The following NOTCH1 variants were observed in gnomAD, a reference collection of about 807,000 sequenced individuals.
NOTCH1 encodes the protein neurogenic locus notch homolog protein 1.
A neutral mutation model predicts 254.8 loss-of-function variants in NOTCH1; 37 were observed. That is an observed-to-expected ratio of 0.15 (90% CI 0.11 to 0.19). The LOEUF (loss-of-function observed/expected upper bound fraction) is 0.19, where lower values mean the gene tolerates loss of function less well. NOTCH1 is among the 10% of genes least tolerant of loss of function. The pLI is 1.00. For missense variants in NOTCH1, 2,972 were observed against 3,708.6 expected (o/e 0.80, Z 5.16); for synonymous variants, 1,731 against 1,618.1 (o/e 1.07, Z -1.68).
intron 24 of NOTCH1, 60 bp from the exon 25 acceptor site, chr9:136,505,941 C>G: frequency 6.8e-7 from 1 of 1,464,512 alleles, no homozygotes; most frequent in South Asian, 1.2e-5. Flanking sequence ...CCCCCGCCAC[C>G]TCACACCCAG....
chr9:136,514,333 G>A (rs1199461994), intron 13 of NOTCH1, among the ~76,000 whole-genome samples, 177 bp downstream of exon 13: 1 of 152,210 alleles, frequency 6.6e-6, no homozygotes, highest in African/African-American at 2.4e-5. Flanking sequence ...GGTGTGGACT[G>A]TAGTCTGACT....
At chr9:136,538,795 C>A (rs1462122330) in intron 2 of NOTCH1, among the ~76,000 whole-genome samples, 1 of 152,214 alleles carries the variant, frequency 6.6e-6, no homozygotes, top group Admixed American at 6.5e-5. Flanking sequence ...AGGGCTTTTA[C>A]GAGGCTGGGT....
chr9:136,517,836 C>T lies in NOTCH1; in HGVS notation c.1357G>A (p.Val453Ile), dbSNP rs761629787. 49 of 1,612,612 alleles carry T rather than the reference C, an allele frequency of 3.0e-5. No homozygotes were observed. The highest frequency in any genetic ancestry group is 8.9e-5 in the East Asian group (4 of 44,894). Residue 453 changes from valine to isoleucine, a missense_variant, in exon 8 of 34, where the codon GTC becomes ATC. Val to Ile is a conservative substitution (Grantham distance 29, BLOSUM62 3). Around this residue, in one of 8 missense-constraint regions of NOTCH1, gnomAD observed 90 missense variants for 183.6 expected, o/e 0.49. Coordinates refer to ENST00000651671, the MANE Select transcript of NOTCH1 (RefSeq NM_017617.5). ...CACGGGTTCGAGACGCACTCGTTGA[C>T]GTCGATCTCGCATCGGGGGCCCGTG... ...GYTGPRCEID[V>I]NECVSNPCQN...
intron 5 of NOTCH1, 148 bp downstream of exon 5, chr9:136,519,295 C>T: frequency 8.6e-7 from 1 of 1,157,822 alleles, no homozygotes; most frequent in Non-Finnish European, 1.2e-6. Flanking sequence ...AGTGGGGCCC[C>T]CATCATGTTG....
rs2133331516 is a variant in NOTCH1 at position 136,502,412 on chromosome 9, G to A, written c.5244C>T (p.Phe1748=). The part of the protein sequence containing the change: ...YVAAAAFVLL[F]FVGCGVLLSR... The stretch of plus-strand genomic sequence containing the variant: ...ACAGCAGCACCCCGCAGCCCACGAA[G>A]AACAGAAGCACAAAGGCGGCCGCCG... The change falls in exon 28 of 34, where the codon TTC becomes TTT. Residue 1748 remains phenylalanine, a synonymous_variant. Transcript: ENST00000651671. The A allele has an allele frequency of 6.2e-7, 1 of 1,611,480 alleles. No homozygotes were observed. Among genetic ancestry groups the A allele is most frequent in the Non-Finnish European group, 8.5e-7 (1 of 1,179,504 alleles).
In NOTCH1 at chr9:136,508,143, C is replaced by T. The variant is rs773638417; in HGVS notation, c.3326-4G>A. 1.5e-5 allele frequency: 24 copies of T among 1,607,794 alleles called. No homozygotes were observed. Among genetic ancestry groups the T allele is most frequent in the African/African-American group, 1.3e-4 (10 of 74,878 alleles). On this transcript the variant is annotated splice_region_variant and splice_polypyrimidine_tract_variant and intron_variant, in intron 20 of 33. Coordinates refer to ENST00000651671, the MANE Select transcript of NOTCH1 (RefSeq NM_017617.5). ...CACAGGCGGGCAACGTCAACACCTGCGGGGGATGGGGTGGTAGACAGGTGA... is the reference window on the plus strand; with the variant it reads ...CACAGGCGGGCAACGTCAACACCTGTGGGGGATGGGGTGGTAGACAGGTGA...
chr9:136,497,172 G>A lies in NOTCH1; in HGVS notation c.6567C>T (p.Cys2189=), dbSNP rs945483115. ...AGAGCATGCCGGAGCTGTCCAGCAG[G>A]CAGCCCTTGCCGTCCTGGGACTTCT... ...RRKKSQDGKG[C]LLDSSGMLSP... The change falls in exon 34 of 34, where the codon TGC becomes TGT. Residue 2189 remains cysteine, a synonymous_variant. Transcript: ENST00000651671. The A allele has an allele frequency of 1.2e-6, 2 of 1,612,780 alleles. No individual in the cohort carries two copies. Among genetic ancestry groups the A allele is most frequent in the Non-Finnish European group, 1.7e-6 (2 of 1,179,960 alleles).
At chr9:136,515,439 C>T (rs1843249301) in intron 11 of NOTCH1, 39 bp from the exon 12 acceptor site, 1 of 1,612,056 alleles carries the variant, frequency 6.2e-7, no homozygotes, top group Non-Finnish European at 8.5e-7. Context: ...CTCAGGCCCG[C>T]CCTGCCCACT....
In NOTCH1 at chr9:136,498,947, T is replaced by C. The variant is rs1034253073; in HGVS notation, c.6132A>G (p.Ala2044=). ...WAAAVNNVDA[A]VVLLKNGANK... is the part of the protein sequence containing the mutation. Reference sequence around the variant, plus strand: ...TAGCCCCGTTCTTCAGGAGCACAACTGCGGCATCCACATTGTTCACGGCGG... The same window carrying C: ...TAGCCCCGTTCTTCAGGAGCACAACCGCGGCATCCACATTGTTCACGGCGG... Residue 2044 remains alanine, a synonymous_variant, in exon 33 of 34, where the codon GCA becomes GCG. Coordinates refer to ENST00000651671, the MANE Select transcript of NOTCH1 (RefSeq NM_017617.5). 6.2e-7 allele frequency: 1 copy of C among 1,613,556 alleles called. No homozygotes were observed. Among genetic ancestry groups the C allele is most frequent in the Non-Finnish European group, 8.5e-7 (1 of 1,180,012 alleles).
Position 136,505,079 on chromosome 9 carries a change from C to T in NOTCH1, c.4612G>A (p.Asp1538Asn). Reference sequence around the variant, plus strand: ...TCGCAGTGCCCGTCGCTGAAGTGGTCCTTGCAGTACTGGTCGTACAGGGGG... The same window carrying T: ...TCGCAGTGCCCGTCGCTGAAGTGGTTCTTGCAGTACTGGTCGTACAGGGGG... ...CNPLYDQYCK[D>N]HFSDGHCDQG... Residue 1538 changes from aspartate to asparagine, a missense_variant, in exon 26 of 34, where the codon GAC becomes AAC. Coordinates refer to ENST00000651671, the MANE Select transcript of NOTCH1 (RefSeq NM_017617.5). The T allele has an allele frequency of 6.2e-7, 1 of 1,610,690 alleles. No individual in the cohort carries two copies. Among genetic ancestry groups the T allele is most frequent in the Non-Finnish European group, 8.5e-7 (1 of 1,179,700 alleles).
At chr9:136,522,580 G>A (rs1244365324) in intron 4 of NOTCH1, 2 of 493,144 alleles carry the variant, frequency 4.1e-6, no homozygotes, top group Non-Finnish European at 7.1e-6. Flanking sequence ...GGGGGAGGCA[G>A]GGCGTCCTAC....
chr9:136,508,505 G>A, intron 19 of NOTCH1, 120 bp from the exon 20 acceptor site: 8 of 1,442,580 alleles, frequency 5.5e-6, no homozygotes, highest in Non-Finnish European at 7.7e-6. Context: ...TACAGAAGTG[G>A]AAACTGCCGC....
Position 136,506,596 on chromosome 9 carries a change from G to A in NOTCH1, c.3945C>T (p.Pro1315=), listed in dbSNP as rs747848111. Residue 1315 remains proline, a synonymous_variant, in exon 24 of 34, where the codon CCC becomes CCT. Coordinates refer to ENST00000651671, the MANE Select transcript of NOTCH1 (RefSeq NM_017617.5). This position sits in a 1 kb window ranked among gnomAD's most constrained non-coding sequence, Gnocchi z 4.5. ...ESVINGCKGK[P]CKNGGTCAVA... ...CGGCGCAGGTGCCCCCATTCTTGCAGGGCTTGCCTTTGCAGCCATTGATGA... is the reference window on the plus strand; with the variant it reads ...CGGCGCAGGTGCCCCCATTCTTGCAAGGCTTGCCTTTGCAGCCATTGATGA... The A allele has an allele frequency of 6.2e-7, 1 of 1,611,178 alleles. No homozygotes were observed. Among genetic ancestry groups the A allele is most frequent in the South Asian group, 1.1e-5 (1 of 90,762 alleles).
chr9:136,526,851 T>C (rs1843468484), intron 2 of NOTCH1, among the ~76,000 whole-genome samples: 1 of 152,078 alleles, frequency 6.6e-6, no homozygotes, highest in Non-Finnish European at 1.5e-5. Flanking sequence ...GTGTCAGACG[T>C]GGCGGCAGCT....
chr9:136,522,524 T>C, intron 4 of NOTCH1: 1 of 357,764 alleles, frequency 2.8e-6, no homozygotes, highest in Middle Eastern at 7.1e-4. Flanking sequence ...CCAGCCCCAC[T>C]GCAGGGGAAA....
At position 136,514,430 on chromosome 9, in the gene NOTCH1, T is replaced by C. The variant is rs571371339; in HGVS notation, c.2207+80A>G. On this transcript the variant is annotated intron_variant, in intron 13 of 33. Transcript: ENST00000651671. ...CCCGTTTCTGGCCCATCTCAAGCTC[T>C]GTGCAGGTGCCACCCTCCTGGCAGC... The C allele has an allele frequency of 4.1e-6, 6 of 1,461,092 alleles. No individual in the cohort carries two copies. In the Admixed American group the frequency reaches 1.2e-4, roughly 29 times the overall value. The allele number at this position is 1,461,092 out of a possible 1,614,324, so 90.5% of individuals were successfully genotyped here.
At chr9:136,536,871 C>T (rs1209703717) in intron 2 of NOTCH1, among the ~76,000 whole-genome samples, 1 of 152,266 alleles carries the variant, frequency 6.6e-6, no homozygotes, top group African/African-American at 2.4e-5. Context: ...GTAGTAGATG[C>T]TCAATAAAGA....
In NOTCH1 at chr9:136,540,814, G is replaced by A. The variant is rs972813764; in HGVS notation, c.140+3210C>T. ...CCATTTCTCCCAGCTCCTGGAAGAC[G>A]CCCCGTGCCATTCTGACTCTGCCGT... On this transcript the variant is annotated intron_variant, in intron 2 of 33. Transcript: ENST00000651671. The surrounding 1 kb of genome is among the most constrained non-coding windows in gnomAD (Gnocchi z 4.4). Among the ~76,000 whole-genome samples, 9 of 152,082 alleles carry A rather than the reference G, an allele frequency of 5.9e-5. No homozygotes were observed. The highest frequency in any genetic ancestry group is 1.2e-4 in the Non-Finnish European group (8 of 68,006).
rs372830543 is a variant in NOTCH1 at position 136,504,676 on chromosome 9, C to T, written c.5015G>A (p.Arg1672His). The T allele has an allele frequency of 3.3e-5, 50 of 1,511,892 alleles. No homozygotes were observed. Among genetic ancestry groups the T allele is most frequent in the African/African-American group, 3.2e-4 (23 of 72,278 alleles). The allele number at this position is 1,511,892 out of a possible 1,614,324, so 93.7% of individuals were successfully genotyped here. The change falls in exon 26 of 34, where the codon CGC (arginine) becomes CAC (histidine). Residue 1672 changes from arginine (R) to histidine (H), a missense_variant. Transcript: ENST00000651671. ...RRRELDPMDV[R>H]GSIVYLEIDN... ...GTGGGCGCCGGGTCTCACTCACCCG[C>T]GGACGTCCATGGGGTCCAGCTCCCT...
Sources: allele counts gnomAD v4.1 joint callset (sites outside exome capture counted in the v4.1 genomes callset), GRCh38; gene constraint gnomAD v4.1.1; regional missense constraint gnomAD v4.1.1; non-coding constraint Gnocchi (gnomAD v3.1); transcripts MANE v1.5; gene names NCBI Gene and HGNC (gene_info 2026-07-23, HGNC 2026-07-21).